Variants in CNGB3 observed in about 807,000 individuals in gnomAD.
CNGB3 encodes cyclic nucleotide-gated channel beta-3.
CNGB3 carries 86 observed loss-of-function variants against 92.8 expected under a neutral mutation model. The ratio of observed to expected loss-of-function variants is 0.93; its 90% CI spans 0.78 to 1.11. The LOEUF (loss-of-function observed/expected upper bound fraction) is 1.11, where lower values mean the gene tolerates loss of function less well. Ranked by LOEUF, CNGB3 falls within the 50% of genes least tolerant of loss-of-function variation. CNGB3 has a pLI of 0.00. For missense variants in CNGB3, 1,026 were observed against 956.8 expected (o/e 1.07, Z -0.95); for synonymous variants, 333 against 332.7 (o/e 1.00, Z -0.01).
chr8:86,654,023 T>G lies in CNGB3; in HGVS notation c.892A>C (p.Thr298Pro), dbSNP rs4961206. Residue 298 changes from threonine (T) to proline (P), a missense_variant, in exon 7 of 18, where the codon ACA becomes CCA. Transcript: ENST00000320005. ...NELRKHYRTSTKFQLDVASII... is the reference protein window; with the variant it reads ...NELRKHYRTSPKFQLDVASII... ...TGTTTGTCACCTACCTGAAATTTTG[T>G]AGAAGTCCTGTAGTGTTTCCTTAGC... The G allele has an allele frequency of 0.65, 1,041,550 of 1,596,206 alleles. 342,002 individuals are homozygous for G. Among genetic ancestry groups the G allele is most frequent in the East Asian group, 0.8 (35,572 of 44,696 alleles).
intron 3 of CNGB3, among the ~76,000 whole-genome samples, chr8:86,682,677 A>G (rs7842410): frequency 0.38 from 58,089 of 151,958 alleles, 12,519 homozygotes; most frequent in Middle Eastern, 0.55. Flanking sequence ...AAACAATTCA[A>G]TCCTCTAAAT....
intron 6 of CNGB3, among the ~76,000 whole-genome samples, chr8:86,656,167 A>C (rs1214023091): frequency 1.3e-5 from 2 of 152,256 alleles, no homozygotes; most frequent in African/African-American, 4.8e-5. Context: ...ATGGGTAGAC[A>C]TAGATACGGC....
intron 3 of CNGB3, among the ~76,000 whole-genome samples, chr8:86,717,297 C>G (rs1205871099): frequency 6.6e-6 from 1 of 152,012 alleles, no homozygotes; most frequent in Non-Finnish European, 1.5e-5. Flanking sequence ...CGTGGTGGCT[C>G]AAGCCTGTAA....
intron 15 of CNGB3, among the ~76,000 whole-genome samples, chr8:86,584,239 C>G (rs148705466): frequency 1.3e-5 from 2 of 152,084 alleles, no homozygotes; most frequent in African/African-American, 4.8e-5. Flanking sequence ...ATGAAATTGA[C>G]GTTAATATTT....
intron 15 of CNGB3, among the ~76,000 whole-genome samples, chr8:86,587,207 G>A (rs551098868): frequency 1.3e-5 from 2 of 150,066 alleles, no homozygotes; most frequent in Non-Finnish European, 3.0e-5. Context: ...TTGTAAATTT[G>A]TTTGAGTTCA....
chr8:86,644,593 TC>T, intron 9 of CNGB3, 28 bp downstream of exon 9: 2 of 1,597,502 alleles, frequency 1.3e-6, no homozygotes. Flanking sequence ...TTTTTCCCCT[TC>T]CCCCAAGTAT....
In CNGB3 at chr8:86,736,992, T is replaced by C. The variant is rs948489835; in HGVS notation, c.211+2663A>G. Among the ~76,000 whole-genome samples the C allele has an allele frequency of 2.0e-5, 3 of 152,196 alleles. No homozygotes were observed. The East Asian group carries it at 5.8e-4, about 29-fold the overall frequency. On this transcript the variant is annotated intron_variant, in intron 2 of 17. Transcript: ENST00000320005. ...TGCATTCACGTTGAAAAATATATTG[T>C]AGAACACTTGCTTTTTTTTCCCCCT...
At chr8:86,741,934 A>G (rs1292479324) in intron 1 of CNGB3, among the ~76,000 whole-genome samples, 1 of 152,142 alleles carries the variant, frequency 6.6e-6, no homozygotes, top group Non-Finnish European at 1.5e-5. Flanking sequence ...TCCTGTTTTG[A>G]GCAGTATAGC....
intron 15 of CNGB3, among the ~76,000 whole-genome samples, chr8:86,580,451 A>G (rs1821741462): frequency 6.6e-6 from 1 of 152,208 alleles, no homozygotes; most frequent in Non-Finnish European, 1.5e-5. Context: ...TGTGAAAGCC[A>G]GCACTTCATG....
chr8:86,654,258 A>C (rs1167395322), intron 6 of CNGB3, among the ~76,000 whole-genome samples, 196 bp from the exon 7 acceptor site: 1 of 152,154 alleles, frequency 6.6e-6, no homozygotes, highest in Non-Finnish European at 1.5e-5. Context: ...TGTTTGCCAC[A>C]ATCAAGCTTC....
intron 2 of CNGB3, among the ~76,000 whole-genome samples, chr8:86,729,965 T>C (rs1266761383): frequency 1.3e-5 from 2 of 152,234 alleles, no homozygotes; most frequent in Non-Finnish European, 2.9e-5. Flanking sequence ...AGCTCATCAG[T>C]ACACTTGGTC....
At chr8:86,728,849 A>G (rs1275092755) in intron 2 of CNGB3, among the ~76,000 whole-genome samples, 4 of 152,318 alleles carry the variant, frequency 2.6e-5, no homozygotes, top group South Asian at 4.1e-4. Flanking sequence ...AATCAGAAAA[A>G]AATCCTGAAT....
chr8:86,672,693 C>A (rs984969331), intron 3 of CNGB3, among the ~76,000 whole-genome samples: 1 of 152,124 alleles, frequency 6.6e-6, no homozygotes, highest in Non-Finnish European at 1.5e-5. Context: ...AGTATGAGCC[C>A]CTCTCCATGA....
At chr8:86,734,475 C>T (rs1825210974) in intron 2 of CNGB3, among the ~76,000 whole-genome samples, 1 of 152,092 alleles carries the variant, frequency 6.6e-6, no homozygotes, top group Admixed American at 6.6e-5. Context: ...AACGCATTGC[C>T]AGATTCAGAA....
At chr8:86,594,525 C>T in intron 15 of CNGB3, 1 of 326,978 alleles carries the variant, frequency 3.1e-6, no homozygotes, top group Non-Finnish European at 5.9e-6. Flanking sequence ...TCTTTGGCAG[C>T]CTCTTGGTCC....
Position 86,597,816 on chromosome 8 carries a change from CAAAA to C in CNGB3, c.1781+6273_1781+6276del, listed in dbSNP as rs1822204757. 2.6e-5 allele frequency among the ~76,000 whole-genome samples: 4 copies of C among 151,792 alleles called. No individual in the cohort carries two copies. The South Asian group carries it at 8.3e-4, about 32-fold the overall frequency. On this transcript the variant is annotated intron_variant, in intron 15 of 17. Transcript: ENST00000320005. ...CCAACATGGTGAAACCCCGTCTCTACAAAAATACAAAAATTAGCTGCGCACGATG... is the reference window on the plus strand; with the variant it reads ...CCAACATGGTGAAACCCCGTCTCTACATACAAAAATTAGCTGCGCACGATG...
intron 13 of CNGB3, among the ~76,000 whole-genome samples, chr8:86,617,482 G>C (rs1822642314): frequency 6.6e-6 from 1 of 152,160 alleles, no homozygotes; most frequent in Non-Finnish European, 1.5e-5. Context: ...TATGACTAGG[G>C]CAGGGAATTC....
At chr8:86,718,519 G>T (rs1361360616) in intron 3 of CNGB3, among the ~76,000 whole-genome samples, 1 of 151,894 alleles carries the variant, frequency 6.6e-6, no homozygotes, top group Non-Finnish European at 1.5e-5. Context: ...GTTTAAAATG[G>T]TAATAAAAAA....
At chr8:86,678,611 C>T (rs1331975068) in intron 3 of CNGB3, among the ~76,000 whole-genome samples, 2 of 152,128 alleles carry the variant, frequency 1.3e-5, no homozygotes, top group African/African-American at 4.8e-5. Context: ...CTCTCTAGAG[C>T]ATTTCTTTAG....
Sources: allele counts gnomAD v4.1 joint callset (sites outside exome capture counted in the v4.1 genomes callset), GRCh38; gene constraint gnomAD v4.1.1; transcripts MANE v1.5; gene names NCBI Gene and HGNC (gene_info 2026-07-23, HGNC 2026-07-21).